EPHB2: variants seen among roughly 807,000 people sequenced by gnomAD.
The protein encoded by EPHB2 is ephrin type-B receptor 2.
EPHB2 carries 18 observed loss-of-function variants against 96.4 expected under a neutral mutation model. That is an observed-to-expected ratio of 0.19 (90% confidence interval 0.13 to 0.28). The LOEUF (loss-of-function observed/expected upper bound fraction) is 0.28, where lower values mean the gene tolerates loss of function less well. EPHB2 is among the 10% of genes least tolerant of loss of function. EPHB2 has a pLI of 1.00. For synonymous variants in EPHB2, 506 were observed against 534.1 expected (o/e 0.95, Z 0.72); for missense variants, 989 against 1,355.4 (o/e 0.73, Z 4.25).
chr1:22,844,774 G>C (rs1025687963), intron 3 of EPHB2, among the ~76,000 whole-genome samples: 1 of 152,188 alleles, frequency 6.6e-6, no homozygotes, highest in Non-Finnish European at 1.5e-5. Flanking sequence ...GAAGCCTATA[G>C]CCTGGGGCCA....
intron 3 of EPHB2, among the ~76,000 whole-genome samples, chr1:22,807,995 A>T (rs538138557): frequency 6.6e-6 from 1 of 152,246 alleles, no homozygotes; most frequent in South Asian, 2.1e-4. Flanking sequence ...TTAGCTGGGC[A>T]TGGTGGCGTA....
At chr1:22,743,327 G>A (rs1643927202) in intron 1 of EPHB2, among the ~76,000 whole-genome samples, 1 of 152,186 alleles carries the variant, frequency 6.6e-6, no homozygotes, top group Non-Finnish European at 1.5e-5. Flanking sequence ...CTCCAGTACA[G>A]CTTACCAGGA....
At chr1:22,888,198 C>G (rs1017856596) in intron 6 of EPHB2, among the ~76,000 whole-genome samples, 2 of 152,148 alleles carry the variant, frequency 1.3e-5, no homozygotes, top group African/African-American at 2.4e-5. Context: ...TGTGCCACCA[C>G]GCTCGGCTAA....
At chr1:22,903,029 C>T (rs1300720578) in intron 9 of EPHB2, among the ~76,000 whole-genome samples, 3 of 152,192 alleles carry the variant, frequency 2.0e-5, no homozygotes, top group Non-Finnish European at 1.5e-5. Context: ...GTCAATAAGT[C>T]CTGTGAGCAG....
At chr1:22,793,651 G>A (rs921038768) in intron 3 of EPHB2, among the ~76,000 whole-genome samples, 2 of 152,338 alleles carry the variant, frequency 1.3e-5, no homozygotes, top group African/African-American at 2.4e-5. Context: ...TACTGCCCTC[G>A]CAGGCTGAGG....
At chr1:22,713,227 G>C (rs1643202513) in intron 1 of EPHB2, among the ~76,000 whole-genome samples, 1 of 152,198 alleles carries the variant, frequency 6.6e-6, no homozygotes, top group Non-Finnish European at 1.5e-5. Context: ...ACACTAGGAA[G>C]TTAGTCCATC....
At chr1:22,794,407 C>T (rs748514238) in intron 3 of EPHB2, among the ~76,000 whole-genome samples, 1 of 152,142 alleles carries the variant, frequency 6.6e-6, no homozygotes, top group Non-Finnish European at 1.5e-5. Context: ...CCTGGCTGAC[C>T]TCTGGCCAGA....
intron 3 of EPHB2, among the ~76,000 whole-genome samples, chr1:22,825,599 C>A (rs972895121): frequency 6.6e-6 from 1 of 152,216 alleles, no homozygotes. Flanking sequence ...GCTCTCTGAA[C>A]CCCCTCATGC....
At chr1:22,859,303 G>C (rs866656418) in intron 3 of EPHB2, among the ~76,000 whole-genome samples, 2 of 150,740 alleles carry the variant, frequency 1.3e-5, no homozygotes, top group African/African-American at 4.9e-5. Flanking sequence ...CTGGTGGGGG[G>C]GGGGGTATTG....
chr1:22,876,783 C>A lies in EPHB2; in HGVS notation c.1304-5576C>A, dbSNP rs536489416. The stretch of plus-strand genomic sequence containing the variant: ...CTGTTCCCTTTTCTCCGCCGTTAAT[C>A]CCCCTGGATTCCAGGAGAAAGGCTA... On this transcript the variant is annotated intron_variant, in intron 5 of 15. Coordinates refer to ENST00000374630, the MANE Select transcript of EPHB2 (RefSeq NM_017449.5). Among the ~76,000 whole-genome samples, 58 of 152,334 alleles carry A rather than the reference C, an allele frequency of 3.8e-4. 1 individual carries two copies. Among genetic ancestry groups the A allele is most frequent in the African/African-American group, 1.3e-3 (56 of 41,574 alleles).
rs1219598178 is a variant in EPHB2, at chr1:22,741,628, G to A, written c.61+30585G>A. Reference sequence around the variant, plus strand: ...CGGAGGTTTGGAATGAGGTCTAAAAGCTCAGGGAAGGCGGGTTATATTTGC... The same window carrying A: ...CGGAGGTTTGGAATGAGGTCTAAAAACTCAGGGAAGGCGGGTTATATTTGC... On this transcript the variant is annotated intron_variant, in intron 1 of 15. Transcript: ENST00000374630. Among the ~76,000 whole-genome samples, 3 of 149,628 alleles carry A rather than the reference G, an allele frequency of 2.0e-5. No homozygotes were observed. The East Asian group carries it at 5.9e-4, about 29-fold the overall frequency.
At chr1:22,876,026 G>A (rs752516849) in intron 5 of EPHB2, among the ~76,000 whole-genome samples, 18 of 152,188 alleles carry the variant, frequency 1.2e-4, no homozygotes, top group Admixed American at 3.3e-4. Flanking sequence ...GGTGGCAGAC[G>A]CCAGGCAGCT....
At chr1:22,904,170 G>A (rs2124087564) in intron 9 of EPHB2, among the ~76,000 whole-genome samples, 1 of 152,104 alleles carries the variant, frequency 6.6e-6, no homozygotes, top group South Asian at 2.1e-4. Flanking sequence ...GCACATGGCT[G>A]TAATCCCAAC....
intron 1 of EPHB2, among the ~76,000 whole-genome samples, chr1:22,731,198 T>C (rs757561785): frequency 2.6e-5 from 4 of 152,152 alleles, no homozygotes; most frequent in Non-Finnish European, 5.9e-5. Context: ...GGCAGCCAGG[T>C]TGGTGACTCT....
Position 22,909,030 on chromosome 1 carries a change from G to C in EPHB2, c.2361G>C (p.Lys787Asn). The change falls in exon 13 of 16, where the codon AAG (lysine) becomes AAC (asparagine). Residue 787 changes from lysine (K) to asparagine (N), a missense_variant. Lys to Asn is a moderately conservative substitution (Grantham distance 94, BLOSUM62 0). Coordinates refer to ENST00000374630, the MANE Select transcript of EPHB2 (RefSeq NM_017449.5). ...CTCTTTCTGTCTCCCAGGGCGGAAA[G>C]ATCCCCATCCGCTGGACAGCCCCGG... ...DPTYTSALGG[K>N]IPIRWTAPEA... The C allele has an allele frequency of 6.2e-7, 1 of 1,614,148 alleles. No homozygotes were observed. Among genetic ancestry groups the C allele is most frequent in the Non-Finnish European group, 8.5e-7 (1 of 1,180,010 alleles).
intron 3 of EPHB2, among the ~76,000 whole-genome samples, chr1:22,812,741 GT>G (rs1335871426): frequency 6.6e-6 from 1 of 152,222 alleles, no homozygotes; most frequent in East Asian, 1.9e-4. Context: ...AGCAAGCCTG[GT>G]TAGATGGGAC....
intron 12 of EPHB2, 111 bp from the exon 13 acceptor site, chr1:22,908,911 T>C: frequency 6.6e-7 from 1 of 1,517,548 alleles, no homozygotes; most frequent in South Asian, 1.2e-5. Flanking sequence ...TGGGGCACAA[T>C]GAGGTGCCTC....
At chr1:22,742,779 C>T (rs2148367930) in intron 1 of EPHB2, among the ~76,000 whole-genome samples, 1 of 151,030 alleles carries the variant, frequency 6.6e-6, no homozygotes, top group South Asian at 2.1e-4. Context: ...AGTCAGACAC[C>T]TGACTGACTT....
intron 8 of EPHB2, 89 bp downstream of exon 8, chr1:22,895,669 A>T (rs1304122772): frequency 8.1e-7 from 1 of 1,227,510 alleles, no homozygotes; most frequent in African/African-American, 1.5e-5. Context: ...GTGCTGGTGA[A>T]CCGAGGAGGC....
Sources: gnomAD v4.1 joint callset for allele counts (sites outside exome capture counted in the v4.1 genomes callset) on GRCh38, gnomAD v4.1.1 for gene constraint, MANE v1.5 for transcripts, NCBI Gene and HGNC (gene_info 2026-07-23, HGNC 2026-07-21) for gene names.